The following DIP2B variants were observed in gnomAD, a reference collection of about 807,000 sequenced individuals.
DIP2B encodes DIP2 acetate--CoA ligase B (putative).
Under a neutral mutation model 198.0 loss-of-function variants are expected in DIP2B, and 76 were observed. The ratio of observed to expected loss-of-function variants is 0.38; its 90% confidence interval spans 0.32 to 0.46. The LOEUF is 0.46. Ranked by LOEUF, DIP2B falls within the 20% of genes least tolerant of loss-of-function variation. The pLI is 0.99. For synonymous variants in DIP2B, 701 were observed against 739.1 expected, an observed-to-expected ratio of 0.95 and a Z score of 0.84; for missense variants, 1,559 against 1,978.4, an observed-to-expected ratio of 0.79 and a Z score of 4.02.
intron 2 of DIP2B, 113 bp downstream of exon 2, chr12:50,626,160 G>A: frequency 1.9e-6 from 2 of 1,079,182 alleles, no homozygotes; most frequent in South Asian, 1.4e-5. Context: ...TCCTCACCAG[G>A]GGAGAGAAAA....
intron 12 of DIP2B, among the ~76,000 whole-genome samples, chr12:50,690,513 C>A (rs1229711561): frequency 1.3e-5 from 2 of 152,094 alleles, no homozygotes; most frequent in African/African-American, 4.8e-5. Flanking sequence ...TGGTGAGACT[C>A]CATCTCTTAA....
At chr12:50,585,282 G>C (rs1441519025) in intron 1 of DIP2B, among the ~76,000 whole-genome samples, 1 of 152,250 alleles carries the variant, frequency 6.6e-6, no homozygotes, top group Non-Finnish European at 1.5e-5. Flanking sequence ...ATTGGAAATA[G>C]AGCATTGGGC....
chr12:50,527,128 C>T (rs1370025189), intron 1 of DIP2B, among the ~76,000 whole-genome samples: 1 of 152,186 alleles, frequency 6.6e-6, no homozygotes, highest in Non-Finnish European at 1.5e-5. Context: ...TTCTTGGCTA[C>T]ATTCCATCTT....
chr12:50,647,230 T>C (rs558877208), intron 3 of DIP2B, among the ~76,000 whole-genome samples: 1 of 152,030 alleles, frequency 6.6e-6, no homozygotes, highest in Non-Finnish European at 1.5e-5. Flanking sequence ...TTGTATTTTT[T>C]GTGGAGACAG....
intron 1 of DIP2B, among the ~76,000 whole-genome samples, chr12:50,602,121 T>C (rs1332291527): frequency 6.6e-6 from 1 of 152,254 alleles, no homozygotes; most frequent in Non-Finnish European, 1.5e-5. Flanking sequence ...ATTAATGTAC[T>C]GAAGTAATTC....
intron 1 of DIP2B, among the ~76,000 whole-genome samples, chr12:50,605,261 C>G (rs1958971562): frequency 1.3e-5 from 2 of 152,108 alleles, no homozygotes; most frequent in African/African-American, 4.8e-5. Flanking sequence ...TCACTGTGAT[C>G]TGATTTTAGA....
At chr12:50,563,995 A>T (rs1280452428) in intron 1 of DIP2B, among the ~76,000 whole-genome samples, 1 of 152,010 alleles carries the variant, frequency 6.6e-6, no homozygotes, top group African/African-American at 2.4e-5. Context: ...CAGATTAATT[A>T]ATTTCTTTTT....
intron 1 of DIP2B, among the ~76,000 whole-genome samples, chr12:50,584,476 G>A (rs1958752661): frequency 6.6e-6 from 1 of 152,148 alleles, no homozygotes; most frequent in South Asian, 2.1e-4. Context: ...TTTCCTGATT[G>A]GTTTCTGTGC....
chr12:50,640,259 G>T (rs1593678493), intron 2 of DIP2B, among the ~76,000 whole-genome samples: 1 of 152,150 alleles, frequency 6.6e-6, no homozygotes, highest in Admixed American at 6.5e-5. Flanking sequence ...GGTAGGGTCA[G>T]TGATGAGTCC....
At chr12:50,543,832 G>T (rs1236590767) in intron 1 of DIP2B, among the ~76,000 whole-genome samples, 1 of 150,806 alleles carries the variant, frequency 6.6e-6, no homozygotes, top group Non-Finnish European at 1.5e-5. Flanking sequence ...GCTGAGGCAG[G>T]AGAATCACTT....
chr12:50,589,651 A>G (rs1289879494), intron 1 of DIP2B, among the ~76,000 whole-genome samples: 1 of 152,128 alleles, frequency 6.6e-6, no homozygotes, highest in Non-Finnish European at 1.5e-5. Flanking sequence ...GTATATCTGA[A>G]GAACTGCAAG....
intron 23 of DIP2B, among the ~76,000 whole-genome samples, chr12:50,716,260 T>C (rs1939711979): frequency 6.7e-6 from 1 of 149,362 alleles, no homozygotes; most frequent in Admixed American, 6.8e-5. Flanking sequence ...TACTTAAAAT[T>C]GTAGTAGACA....
intron 1 of DIP2B, among the ~76,000 whole-genome samples, chr12:50,540,962 G>A (rs1958319687): frequency 6.6e-6 from 1 of 152,156 alleles, no homozygotes; most frequent in Non-Finnish European, 1.5e-5. Flanking sequence ...AGGACATTAT[G>A]ATTAAAAAAT....
intron 22 of DIP2B, among the ~76,000 whole-genome samples, chr12:50,713,162 A>G (rs1019843568): frequency 6.6e-6 from 1 of 152,142 alleles, no homozygotes; most frequent in African/African-American, 2.4e-5. Flanking sequence ...TGCCCAGGCT[A>G]TTCTCAAATT....
At chr12:50,532,581 A>G (rs953417479) in intron 1 of DIP2B, among the ~76,000 whole-genome samples, 1 of 152,224 alleles carries the variant, frequency 6.6e-6, no homozygotes, top group African/African-American at 2.4e-5. Flanking sequence ...TTGTGAAGAC[A>G]TACAAAAAAA....
intron 23 of DIP2B, among the ~76,000 whole-genome samples, chr12:50,716,507 G>A (rs528210096): frequency 6.6e-6 from 1 of 152,158 alleles, no homozygotes; most frequent in Non-Finnish European, 1.5e-5. Flanking sequence ...CAGCCTGGGC[G>A]ACTGAGCGAG....
At chr12:50,521,680 G>A (rs927510518) in intron 1 of DIP2B, among the ~76,000 whole-genome samples, 1 of 151,472 alleles carries the variant, frequency 6.6e-6, no homozygotes, top group Non-Finnish European at 1.5e-5. Context: ...ATTTTCAGTA[G>A]AGACGGGGTT....
At chr12:50,682,729 A>G (rs189390164) in intron 9 of DIP2B, among the ~76,000 whole-genome samples, 13 of 151,688 alleles carry the variant, frequency 8.6e-5, no homozygotes, top group Admixed American at 8.5e-4. Context: ...TGAGAGATGT[A>G]AGGCTTATTC....
At chr12:50,564,978 T>G (rs1593613201) in intron 1 of DIP2B, among the ~76,000 whole-genome samples, 1 of 152,294 alleles carries the variant, frequency 6.6e-6, no homozygotes, top group Non-Finnish European at 1.5e-5. Context: ...GAGGCCATTT[T>G]CCTAACCACA....
Sources: allele counts gnomAD v4.1 joint callset (sites outside exome capture counted in the v4.1 genomes callset), GRCh38; gene constraint gnomAD v4.1.1; transcripts MANE v1.5; gene names NCBI Gene and HGNC (gene_info 2026-07-23, HGNC 2026-07-21).